Variants in WWTR1 observed in about 807,000 individuals in gnomAD.
The protein encoded by WWTR1 is WW domain-containing transcription regulator protein 1.
In WWTR1, 13 loss-of-function variants were observed where a neutral mutation model predicts 40.1. That is an observed-to-expected ratio of 0.32 (90% CI 0.21 to 0.52). The LOEUF (loss-of-function observed/expected upper bound fraction) is 0.52, where lower values mean the gene tolerates loss of function less well. Ranked by LOEUF, WWTR1 falls within the 20% of genes least tolerant of loss-of-function variation. The probability of loss-of-function intolerance (pLI) is 0.97; values close to 1 mark genes in which losing one functional copy is unlikely to be tolerated. For missense variants in WWTR1, 436 were observed against 523.1 expected, an observed-to-expected ratio of 0.83 and a Z score of 1.63; for synonymous variants, 230 against 210.1, an observed-to-expected ratio of 1.09 and a Z score of -0.82.
intron 2 of WWTR1, among the ~76,000 whole-genome samples, chr3:149,668,472 G>T (rs1257910398): frequency 6.6e-6 from 1 of 152,088 alleles, no homozygotes; most frequent in Non-Finnish European, 1.5e-5. Flanking sequence ...GCCGGGCATG[G>T]TGGCGGGCGC....
At chr3:149,631,979 G>A (rs919974425) in intron 2 of WWTR1, among the ~76,000 whole-genome samples, 1 of 151,682 alleles carries the variant, frequency 6.6e-6, no homozygotes, top group African/African-American at 2.4e-5. Flanking sequence ...GGAGTACAGC[G>A]GCTCACTGCA....
At chr3:149,688,974 A>C (rs1714734474) in intron 1 of WWTR1, among the ~76,000 whole-genome samples, 1 of 152,230 alleles carries the variant, frequency 6.6e-6, no homozygotes, top group Admixed American at 6.5e-5. Flanking sequence ...TCAAGGAGAA[A>C]TTCTGGAGCT....
chr3:149,705,044 A>G (rs981602936), upstream of WWTR1, among the ~76,000 whole-genome samples: 1 of 151,920 alleles, frequency 6.6e-6, no homozygotes, highest in African/African-American at 2.4e-5. Flanking sequence ...AATTTGAAAT[A>G]TAATAATGGA....
intron 6 of WWTR1, among the ~76,000 whole-genome samples, chr3:149,524,000 T>G (rs1735175914): frequency 6.6e-6 from 1 of 152,232 alleles, no homozygotes; most frequent in Non-Finnish European, 1.5e-5. Flanking sequence ...TCAAGTCCAT[T>G]GTATGTATGA....
chr3:149,632,036 G>A (rs991333612), intron 2 of WWTR1, among the ~76,000 whole-genome samples: 11 of 152,082 alleles, frequency 7.2e-5, no homozygotes, highest in African/African-American at 2.4e-4. Context: ...TAGCTCCCCT[G>A]AGTAGCTGGG....
intron 3 of WWTR1, among the ~76,000 whole-genome samples, chr3:149,566,163 C>G (rs181061649): frequency 6.6e-6 from 1 of 152,192 alleles, no homozygotes; most frequent in African/African-American, 2.4e-5. Flanking sequence ...ACGCCCCAAT[C>G]TCTACAAAAT....
intron 2 of WWTR1, among the ~76,000 whole-genome samples, chr3:149,579,259 G>A (rs887282430): frequency 1.2e-4 from 18 of 152,282 alleles, no homozygotes; most frequent in Middle Eastern, 3.4e-3. Flanking sequence ...GAGTGGTTAG[G>A]ACGGGACCTG....
chr3:149,522,285 G>A (rs1735089547), intron 6 of WWTR1, among the ~76,000 whole-genome samples: 2 of 152,078 alleles, frequency 1.3e-5, no homozygotes, highest in Non-Finnish European at 2.9e-5. Context: ...GTTCACTTTA[G>A]CAATCTGTGT....
chr3:149,614,748 C>G (rs373584492), intron 2 of WWTR1, among the ~76,000 whole-genome samples: 5 of 152,036 alleles, frequency 3.3e-5, no homozygotes, highest in Admixed American at 1.3e-4. Context: ...TTTGGGAAGC[C>G]GAGGTGAGTG....
chr3:149,631,150 T>C (rs1560094207), intron 2 of WWTR1, among the ~76,000 whole-genome samples: 1 of 152,130 alleles, frequency 6.6e-6, no homozygotes, highest in African/African-American at 2.4e-5. Flanking sequence ...GAATAAAGAT[T>C]CACATAATTC....
At chr3:149,702,240 C>A (rs1036855369) in intron 1 of WWTR1, 3 of 152,378 alleles carry the variant, frequency 2.0e-5, no homozygotes, top group Non-Finnish European at 2.9e-5. Flanking sequence ...CAAGAATAAG[C>A]ATATGATTCC....
At chr3:149,670,576 G>A (rs1199807789) in intron 1 of WWTR1, among the ~76,000 whole-genome samples, 2 of 150,770 alleles carry the variant, frequency 1.3e-5, no homozygotes, top group African/African-American at 4.9e-5. Context: ...CCCGGGAGGC[G>A]GAGCTTGCAG....
intron 4 of WWTR1, among the ~76,000 whole-genome samples, chr3:149,717,916 T>C (rs1715650665): frequency 6.6e-6 from 1 of 152,112 alleles, no homozygotes; most frequent in South Asian, 2.1e-4. Context: ...TCCTAGATTT[T>C]ATATCACCAT....
Position 149,527,912 on chromosome 3 carries a change from C to G in WWTR1, c.829G>C (p.Ala277Pro), listed in dbSNP as rs149464192. ...GTCATCGTGGGTGGGTTGACAGCAG[C>G]CTGAACTGGGGCAAGAGTCTCAGCT... The part of the protein sequence containing the change: ...MEAETLAPVQ[A>P]AVNPPTMTPD... The change falls in exon 5 of 7, where the codon GCT becomes CCT. Residue 277 changes from alanine to proline, a missense_variant. Transcript: ENST00000360632. 13 of 1,613,942 alleles carry G rather than the reference C, an allele frequency of 8.1e-6. No homozygotes were observed. The African/African-American group carries it at 1.7e-4, about 22-fold the overall frequency.
intron 2 of WWTR1, among the ~76,000 whole-genome samples, chr3:149,655,528 C>T (rs1426016544): frequency 6.6e-6 from 1 of 152,212 alleles, no homozygotes; most frequent in African/African-American, 2.4e-5. Flanking sequence ...ACTTAGAAGT[C>T]AAAGGACTGA....
chr3:149,687,860 G>T (rs1338001152), intron 1 of WWTR1, among the ~76,000 whole-genome samples: 1 of 152,056 alleles, frequency 6.6e-6, no homozygotes, highest in African/African-American at 2.4e-5. Context: ...CCCTAGGTCT[G>T]AAGGAAACCC....
intron 3 of WWTR1, among the ~76,000 whole-genome samples, chr3:149,558,082 A>G (rs1736915810): frequency 6.6e-6 from 1 of 151,932 alleles, no homozygotes; most frequent in Non-Finnish European, 1.5e-5. Flanking sequence ...TCATAATTTC[A>G]TTTTAAAACT....
intron 2 of WWTR1, among the ~76,000 whole-genome samples, chr3:149,574,816 CG>C (rs1020030900): frequency 3.8e-4 from 57 of 150,456 alleles, no homozygotes; most frequent in Non-Finnish European, 7.5e-4. Flanking sequence ...AAAAAAAGGC[CG>C]GGGGCGGTGG....
In WWTR1 at chr3:149,578,671, G is replaced by A. The variant is rs12630100; in HGVS notation, c.432-5671C>T. 1.1e-4 allele frequency among the ~76,000 whole-genome samples: 16 copies of A among 152,300 alleles called. No individual in the cohort carries two copies. In the East Asian group the frequency reaches 2.9e-3, roughly 28 times the overall value. ...CCAGCACTTTGGGAGGCCGAGGCGG[G>A]TGGATCACCTGAGGTCGGGAGTTAG... On this transcript the variant is annotated intron_variant, in intron 2 of 6. Transcript: ENST00000360632.
Sources: gnomAD v4.1 joint callset for allele counts (sites outside exome capture counted in the v4.1 genomes callset) on GRCh38, gnomAD v4.1.1 for gene constraint, MANE v1.5 for transcripts, NCBI Gene and HGNC (gene_info 2026-07-23, HGNC 2026-07-21) for gene names.